The following TMEM273 variants were observed in gnomAD, a reference collection of about 807,000 sequenced individuals.
The protein encoded by TMEM273 is chromosome 10 open reading frame 128.
TMEM273 carries 19 observed loss-of-function variants against 17.9 expected under a neutral mutation model. That is an observed-to-expected ratio of 1.06 (90% CI 0.74 to 1.55). TMEM273 has a LOEUF of 1.55. Ranked by LOEUF, TMEM273 falls within the 40% of genes most tolerant of loss-of-function variation. The pLI, the probability that TMEM273 is intolerant of heterozygous loss-of-function variation, is 0.00. For missense variants in TMEM273, 194 were observed against 155.6 expected (o/e 1.25, Z -1.31); for synonymous variants, 66 against 62.0 (o/e 1.07, Z -0.31).
At chr10:49,177,766 C>G (rs1847080710) in intron 1 of TMEM273, among the ~76,000 whole-genome samples, 1 of 152,248 alleles carries the variant, frequency 6.6e-6, no homozygotes. Context: ...GCTCAGGGAG[C>G]TCTGGCTGGG....
chr10:49,155,917 G>A lies in TMEM273; in HGVS notation c.373-8C>T, dbSNP rs1161307466. 1 of 1,614,146 alleles carries A rather than the reference G, an allele frequency of 6.2e-7. No homozygotes were observed. Among genetic ancestry groups the A allele is most frequent in the African/African-American group, 1.3e-5 (1 of 75,056 alleles). On this transcript the variant is annotated splice_polypyrimidine_tract_variant and splice_region_variant and intron_variant, in intron 6 of 6. Coordinates refer to ENST00000374153, the MANE Select transcript of TMEM273 (RefSeq NM_001288740.3). The stretch of plus-strand genomic sequence containing the variant: ...TCAATCACCTGTGCATCTCTGGAAA[G>A]GAAGAGAACCATCTGGAAGACTTAT...
chr10:49,166,233 G>A (rs990212630), intron 3 of TMEM273, among the ~76,000 whole-genome samples: 27 of 152,152 alleles, frequency 1.8e-4, no homozygotes, highest in African/African-American at 5.8e-4. Context: ...ATGATACCCT[G>A]AGAGAAGGGA....
chr10:49,172,582 A>G (rs1322557203), intron 1 of TMEM273, among the ~76,000 whole-genome samples: 3 of 152,144 alleles, frequency 2.0e-5, no homozygotes, highest in Non-Finnish European at 4.4e-5. Context: ...AGACTTCACT[A>G]TGACCTCATG....
At chr10:49,158,014 C>T (rs112020285) in intron 6 of TMEM273, among the ~76,000 whole-genome samples, 1 of 152,104 alleles carries the variant, frequency 6.6e-6, no homozygotes, top group Non-Finnish European at 1.5e-5. Context: ...AATCAAAATA[C>T]AATCAATGAC....
intron 3 of TMEM273, chr10:49,166,497 A>G (rs970154620): frequency 7.0e-6 from 2 of 286,660 alleles, no homozygotes; most frequent in African/African-American, 4.4e-5. Flanking sequence ...GGATGAGAGA[A>G]CAGAAATTTC....
chr10:49,156,696 G>A (rs1845532831), intron 6 of TMEM273, among the ~76,000 whole-genome samples: 1 of 152,240 alleles, frequency 6.6e-6, no homozygotes, highest in South Asian at 2.1e-4. Flanking sequence ...GGCAGCAACA[G>A]CAGGAAGGCG....
intron 1 of TMEM273, among the ~76,000 whole-genome samples, chr10:49,180,576 T>C (rs908612025): frequency 6.6e-6 from 1 of 152,114 alleles, no homozygotes; most frequent in African/African-American, 2.4e-5. Context: ...CAGAGTTTCA[T>C]AACATCAAAT....
At chr10:49,178,958 C>T (rs913673478) in intron 1 of TMEM273, among the ~76,000 whole-genome samples, 1 of 152,186 alleles carries the variant, frequency 6.6e-6, no homozygotes, top group Admixed American at 6.5e-5. Flanking sequence ...AGGTCCTTCA[C>T]CTCTTGCCCT....
At chr10:49,170,629 G>A (rs1846499829) in intron 1 of TMEM273, among the ~76,000 whole-genome samples, 1 of 152,178 alleles carries the variant, frequency 6.6e-6, no homozygotes, top group South Asian at 2.1e-4. Context: ...AGACCAACGT[G>A]GGCAGATAAC....
intron 1 of TMEM273, among the ~76,000 whole-genome samples, chr10:49,187,257 T>G (rs1847783911): frequency 6.6e-6 from 1 of 152,202 alleles, no homozygotes; most frequent in Non-Finnish European, 1.5e-5. Context: ...CGTTTCCATG[T>G]GTAAACTGAT....
chr10:49,177,181 G>A (rs1380034461), intron 1 of TMEM273, among the ~76,000 whole-genome samples: 1 of 152,224 alleles, frequency 6.6e-6, no homozygotes, highest in Non-Finnish European at 1.5e-5. Flanking sequence ...CCCAAGCCCT[G>A]GCTTTTCTCC....
At chr10:49,180,007 G>A (rs2132264847) in intron 1 of TMEM273, among the ~76,000 whole-genome samples, 1 of 152,322 alleles carries the variant, frequency 6.6e-6, no homozygotes, top group Middle Eastern at 3.4e-3. Context: ...CCCAACGAGG[G>A]TGGTGTCAGA....
rs541915142 is a variant in TMEM273 at position 49,170,829 on chromosome 10, G to A, written c.44-2867C>T. Among the ~76,000 whole-genome samples, 31 of 152,254 alleles carry A rather than the reference G, an allele frequency of 2.0e-4. 1 individual carries two copies. In the South Asian group the frequency reaches 6.0e-3, roughly 30 times the overall value. ...CCATGCTCAGCACAGCAGCCTGGCC[G>A]GCCCCACCCCTGCATCCTGCTAGGG... On this transcript the variant is annotated intron_variant, in intron 1 of 6. Transcript: ENST00000374153.
At chr10:49,176,076 C>G (rs543726415) in intron 1 of TMEM273, among the ~76,000 whole-genome samples, 1 of 152,342 alleles carries the variant, frequency 6.6e-6, no homozygotes, top group East Asian at 1.9e-4. Flanking sequence ...TGGCCTTGGA[C>G]CAGACACAAC....
At chr10:49,184,226 C>T (rs1847528915) in intron 1 of TMEM273, among the ~76,000 whole-genome samples, 1 of 152,112 alleles carries the variant, frequency 6.6e-6, no homozygotes, top group African/African-American at 2.4e-5. Context: ...ATAAAAAATG[C>T]AACCACTTTA....
At chr10:49,167,673 C>A (rs572156841) in intron 2 of TMEM273, among the ~76,000 whole-genome samples, 1 of 152,338 alleles carries the variant, frequency 6.6e-6, no homozygotes, top group Admixed American at 6.5e-5. Context: ...GGTGCTGGAG[C>A]CACGCATCTG....
chr10:49,178,606 T>C (rs945326491), intron 1 of TMEM273, among the ~76,000 whole-genome samples: 1 of 152,144 alleles, frequency 6.6e-6, no homozygotes, highest in Non-Finnish European at 1.5e-5. Context: ...GTAAACACTT[T>C]AGTACTTGCT....
At chr10:49,184,115 G>A (rs1285447499) in intron 1 of TMEM273, among the ~76,000 whole-genome samples, 1 of 152,174 alleles carries the variant, frequency 6.6e-6, no homozygotes, top group Non-Finnish European at 1.5e-5. Flanking sequence ...TTACACAGGT[G>A]ATATTGCAAC....
chr10:49,176,912 A>G (rs1260459927), intron 1 of TMEM273, among the ~76,000 whole-genome samples: 1 of 152,226 alleles, frequency 6.6e-6, no homozygotes, highest in Non-Finnish European at 1.5e-5. Context: ...AGCATGCCAC[A>G]TGTCTAAATA....
Sources: gnomAD v4.1 joint callset for allele counts (sites outside exome capture counted in the v4.1 genomes callset) on GRCh38, gnomAD v4.1.1 for gene constraint, MANE v1.5 for transcripts, NCBI Gene and HGNC (gene_info 2026-07-23, HGNC 2026-07-21) for gene names.